The following CSMD1 variants were observed in gnomAD, a reference collection of about 807,000 sequenced individuals.
The protein encoded by CSMD1 is CUB and sushi domain-containing protein 1.
A neutral mutation model predicts 417.5 loss-of-function variants in CSMD1; 213 were observed. The ratio of observed to expected loss-of-function variants is 0.51; its 90% CI spans 0.46 to 0.57. The LOEUF is 0.57. CSMD1 is among the 20% of genes least tolerant of loss of function. The pLI, the probability that CSMD1 is intolerant of heterozygous loss-of-function variation, is 0.00. For synonymous variants in CSMD1, 2,862 were observed against 1,736.8 expected (o/e 1.65, Z -16.11); for missense variants, 6,923 against 4,529.7 (o/e 1.53, Z -15.17).
rs1267657182 is a variant in CSMD1 at position 3,602,357 on chromosome 8, G to T, written c.1097+14353C>A. 2.6e-5 allele frequency among the ~76,000 whole-genome samples: 4 copies of T among 152,062 alleles called. No individual in the cohort carries two copies. The East Asian group carries it at 7.7e-4, about 29-fold the overall frequency. On this transcript the variant is annotated intron_variant, in intron 8 of 69. Coordinates refer to ENST00000635120, the MANE Select transcript of CSMD1 (RefSeq NM_033225.6). ...TCTTTCCTTCAACAAATTTCCGGTG[G>T]AGGCATAGAGGAAAGCAAAATGAAT...
intron 54 of CSMD1, among the ~76,000 whole-genome samples, chr8:2,979,114 G>T (rs1197768489): frequency 6.6e-6 from 1 of 152,144 alleles, no homozygotes; most frequent in African/African-American, 2.4e-5. Context: ...TCTAATAATG[G>T]TCAAATAGAA....
At chr8:4,634,887 C>A (rs1402838840) in intron 2 of CSMD1, among the ~76,000 whole-genome samples, 2 of 152,268 alleles carry the variant, frequency 1.3e-5, no homozygotes, top group African/African-American at 4.8e-5. Flanking sequence ...ACCTGTAACA[C>A]TCAGTAGTCA....
At chr8:3,515,119 G>T (rs577936666) in intron 10 of CSMD1, 1 of 152,264 alleles carries the variant, frequency 6.6e-6, no homozygotes, top group East Asian at 1.9e-4. Flanking sequence ...AGTCATTAAT[G>T]TTATAATTCA....
At chr8:3,157,294 C>G (rs1452588383) in intron 39 of CSMD1, among the ~76,000 whole-genome samples, 2 of 152,136 alleles carry the variant, frequency 1.3e-5, no homozygotes, top group Admixed American at 1.3e-4. Context: ...TTGTGACCAC[C>G]ACCTTCAATG....
At chr8:4,322,014 G>C (rs1378551381) in intron 3 of CSMD1, among the ~76,000 whole-genome samples, 3 of 151,962 alleles carry the variant, frequency 2.0e-5, no homozygotes, top group Admixed American at 1.3e-4. Context: ...AATCAAAAAA[G>C]CTATTCCATT....
chr8:4,171,814 C>A (rs1797778773), intron 3 of CSMD1, among the ~76,000 whole-genome samples: 1 of 152,238 alleles, frequency 6.6e-6, no homozygotes, highest in South Asian at 2.1e-4. Context: ...TTAGACAAAT[C>A]ATCTAAATCC....
rs1235749764 is a variant in CSMD1, at chr8:3,466,334, T to C, written c.1561+2378A>G. Reference sequence around the variant, plus strand: ...GAGCCTGTGTTCCTAACACTAGATGTTAGTGAAAATCAGGCAACATCAAAA... The same window carrying C: ...GAGCCTGTGTTCCTAACACTAGATGCTAGTGAAAATCAGGCAACATCAAAA... On this transcript the variant is annotated intron_variant, in intron 12 of 69. Transcript: ENST00000635120. 2.0e-5 allele frequency among the ~76,000 whole-genome samples: 3 copies of C among 152,130 alleles called. No individual in the cohort carries two copies. In the East Asian group the frequency reaches 5.8e-4, roughly 29 times the overall value.
chr8:3,809,114 T>C (rs1410499472), intron 5 of CSMD1, among the ~76,000 whole-genome samples: 1 of 152,108 alleles, frequency 6.6e-6, no homozygotes, highest in East Asian at 1.9e-4. Context: ...GGGCACATGC[T>C]CTGCCCTCTA....
chr8:3,287,142 A>T (rs200231356), intron 25 of CSMD1, among the ~76,000 whole-genome samples: 1 of 149,260 alleles, frequency 6.7e-6, no homozygotes, highest in African/African-American at 2.4e-5. Context: ...GTAGATATGC[A>T]GCATTATTTC....
chr8:3,413,713 C>T (rs17066051), intron 12 of CSMD1, among the ~76,000 whole-genome samples: 3 of 152,056 alleles, frequency 2.0e-5, no homozygotes, highest in Non-Finnish European at 2.9e-5. Flanking sequence ...ACAAGTTTTG[C>T]AATTTTATTT....
At chr8:3,015,118 G>A (rs1364523484) in intron 52 of CSMD1, among the ~76,000 whole-genome samples, 2 of 150,902 alleles carry the variant, frequency 1.3e-5, no homozygotes, top group African/African-American at 4.9e-5. Context: ...AAACAGAACT[G>A]AATAAGCATC....
intron 23 of CSMD1, among the ~76,000 whole-genome samples, chr8:3,316,739 A>G (rs576879431): frequency 1.3e-5 from 2 of 152,156 alleles, no homozygotes; most frequent in African/African-American, 4.8e-5. Flanking sequence ...GTCACGGGAA[A>G]GACTGGAAAG....
chr8:4,873,671 C>T (rs1056828868), intron 1 of CSMD1, among the ~76,000 whole-genome samples: 1 of 152,076 alleles, frequency 6.6e-6, no homozygotes, highest in Admixed American at 6.5e-5. Context: ...ATTCAGTAAA[C>T]ACTTATTGAT....
intron 30 of CSMD1, among the ~76,000 whole-genome samples, chr8:3,207,182 T>G (rs1420363538): frequency 8.3e-5 from 1 of 12,080 alleles, no homozygotes; most frequent in South Asian, 1.7e-3. Flanking sequence ...TGTCTTGCCC[T>G]GTCACCCAGG....
At chr8:3,388,916 C>G (rs1370065193) in intron 17 of CSMD1, among the ~76,000 whole-genome samples, 3 of 43,778 alleles carry the variant, frequency 6.9e-5, no homozygotes, top group Non-Finnish European at 1.3e-4. Flanking sequence ...CACACACACA[C>G]ACACACACAC....
chr8:4,092,139 A>G (rs1350683153), intron 3 of CSMD1, among the ~76,000 whole-genome samples: 1 of 152,128 alleles, frequency 6.6e-6, no homozygotes, highest in Non-Finnish European at 1.5e-5. Context: ...AGAGAAGAAA[A>G]TTTTTCCTTA....
chr8:3,549,132 G>C (rs986167025), intron 10 of CSMD1, among the ~76,000 whole-genome samples: 1 of 152,140 alleles, frequency 6.6e-6, no homozygotes, highest in Non-Finnish European at 1.5e-5. Context: ...TTCCATGTTT[G>C]CTTTGCTTCT....
chr8:3,561,058 A>G (rs1450259329), intron 10 of CSMD1, among the ~76,000 whole-genome samples: 1 of 152,208 alleles, frequency 6.6e-6, no homozygotes, highest in East Asian at 1.9e-4. Flanking sequence ...AGCATCACTA[A>G]TCATCAAAGA....
intron 2 of CSMD1, among the ~76,000 whole-genome samples, chr8:4,516,187 GAAGAT>G: frequency 6.6e-6 from 1 of 152,214 alleles, no homozygotes. Flanking sequence ...CCTAATAAGA[GAAGAT>G]AAGAACCCAG....
Sources: allele counts gnomAD v4.1 joint callset (sites outside exome capture counted in the v4.1 genomes callset), GRCh38; gene constraint gnomAD v4.1.1; transcripts MANE v1.5; gene names NCBI Gene and HGNC (gene_info 2026-07-23, HGNC 2026-07-21).